The following CTNND2 variants were observed in gnomAD, a reference collection of about 807,000 sequenced individuals.
The protein encoded by CTNND2 is catenin delta-2.
CTNND2 carries 22 observed loss-of-function variants against 144.4 expected under a neutral mutation model. That is an observed-to-expected ratio of 0.15 (90% CI 0.11 to 0.22). CTNND2 has a LOEUF of 0.22. Among genes scored for constraint, CTNND2 ranks in the 10% least tolerant of loss-of-function variants. CTNND2 has a pLI of 1.00. For missense variants in CTNND2, 1,353 were observed against 1,618.8 expected (o/e 0.84, Z 2.82); for synonymous variants, 751 against 695.6 (o/e 1.08, Z -1.25).
At chr5:10,992,482 G>C in intron 19 of CTNND2, 69 bp downstream of exon 19, 1 of 1,607,312 alleles carries the variant, frequency 6.2e-7, no homozygotes, top group Non-Finnish European at 8.5e-7. Context: ...GTTGGCTCAC[G>C]GACTGGGAAG....
chr5:10,975,045 T>C (rs1001125809), intron 21 of CTNND2, among the ~76,000 whole-genome samples: 6 of 152,110 alleles, frequency 3.9e-5, no homozygotes, highest in Non-Finnish European at 4.4e-5. Context: ...CAAAAGTCCA[T>C]AGAGGATAAA....
At chr5:11,345,394 T>C (rs879796506) in intron 9 of CTNND2, among the ~76,000 whole-genome samples, 1 of 152,216 alleles carries the variant, frequency 6.6e-6, no homozygotes, top group Non-Finnish European at 1.5e-5. Context: ...CAGGTTTGAA[T>C]TGTGCTAAAG....
chr5:11,498,553 A>G (rs1419076276), intron 3 of CTNND2, among the ~76,000 whole-genome samples: 1 of 152,198 alleles, frequency 6.6e-6, no homozygotes, highest in East Asian at 1.9e-4. Flanking sequence ...CAAGCAAAAC[A>G]TGATGGCAAA....
chr5:11,662,177 A>ACATATATGTGTATATATATGTATATATG (rs1783267932), intron 2 of CTNND2, among the ~76,000 whole-genome samples: 4 of 131,706 alleles, frequency 3.0e-5, no homozygotes, highest in African/African-American at 1.2e-4. Context: ...GTGTATATAT[A>ACATATATGTGTATATATATGTATATATG]CATATATGTG....
At chr5:11,624,655 T>C (rs548094322) in intron 2 of CTNND2, among the ~76,000 whole-genome samples, 1 of 152,146 alleles carries the variant, frequency 6.6e-6, no homozygotes, top group East Asian at 1.9e-4. Context: ...TTATCAAGAG[T>C]ATCTTCTCTT....
intron 11 of CTNND2, among the ~76,000 whole-genome samples, chr5:11,169,918 G>C (rs1759733468): frequency 6.6e-6 from 1 of 152,100 alleles, no homozygotes; most frequent in Admixed American, 6.5e-5. Context: ...GAGCATCACT[G>C]AACTACATGT....
chr5:11,308,301 C>A lies in CTNND2; in HGVS notation c.1628+38071G>T, dbSNP rs533054238. Among the ~76,000 whole-genome samples the A allele has an allele frequency of 1.1e-3, 167 of 151,264 alleles. 1 individual carries two copies. Among genetic ancestry groups the A allele is most frequent in the African/African-American group, 3.7e-3 (154 of 41,068 alleles). ...AATGTATCACATAGTGATTTAGAAA[C>A]AAGGCCAGCAAACTTTCTCTGTAAA... On this transcript the variant is annotated intron_variant, in intron 9 of 21. Transcript: ENST00000304623.
At position 11,150,617 on chromosome 5, in the gene CTNND2, C is replaced by CTTT. The variant is rs10602477; in HGVS notation, c.2159+8956_2159+8958dup. ...GGTGAGGCCTCTGAACTGCTGCCTT[C>CTTT]TTTTTTTTTTTTTTTTTTTTTTTTT... On this transcript the variant is annotated intron_variant, in intron 12 of 21. Transcript: ENST00000304623. 3.3e-4 allele frequency among the ~76,000 whole-genome samples: 24 copies of CTTT among 72,068 alleles called. 2 individuals are homozygous for CTTT. Among genetic ancestry groups the CTTT allele is most frequent in the African/African-American group, 1.1e-3 (20 of 17,702 alleles). The allele number at this position is 72,068 out of a possible 152,430, so 47.3% of individuals were successfully genotyped here.
chr5:10,998,898 CATCT>C (rs1487291957), intron 18 of CTNND2, among the ~76,000 whole-genome samples: 1 of 152,190 alleles, frequency 6.6e-6, no homozygotes, highest in Non-Finnish European at 1.5e-5. Flanking sequence ...GGGACTTGAG[CATCT>C]ACAAATTCTG....
intron 1 of CTNND2, among the ~76,000 whole-genome samples, chr5:11,885,954 A>C (rs1736495072): frequency 6.6e-6 from 1 of 152,214 alleles, no homozygotes; most frequent in Non-Finnish European, 1.5e-5. Context: ...TTAAGAAGAA[A>C]ATTTTAAAAT....
intron 3 of CTNND2, among the ~76,000 whole-genome samples, chr5:11,459,918 A>G (rs1053969776): frequency 6.6e-6 from 1 of 152,216 alleles, no homozygotes; most frequent in African/African-American, 2.4e-5. Context: ...ATGTACTGAT[A>G]GTGTCTGATG....
intron 10 of CTNND2, among the ~76,000 whole-genome samples, chr5:11,228,384 G>C (rs1475422097): frequency 9.0e-6 from 1 of 110,542 alleles, no homozygotes; most frequent in Non-Finnish European, 1.9e-5. Flanking sequence ...AAAAAACAAA[G>C]AATGTGAATG....
intron 3 of CTNND2, among the ~76,000 whole-genome samples, chr5:11,438,497 G>C (rs1763971749): frequency 1.3e-5 from 2 of 152,172 alleles, no homozygotes; most frequent in Non-Finnish European, 2.9e-5. Flanking sequence ...TTAAAAATCT[G>C]TACCTAATTT....
intron 10 of CTNND2, among the ~76,000 whole-genome samples, chr5:11,204,316 G>A (rs962045648): frequency 4.5e-5 from 5 of 110,194 alleles, no homozygotes; most frequent in Non-Finnish European, 1.1e-4. Context: ...TTGCACCAGG[G>A]GAGAATAAAA....
chr5:11,010,257 C>T (rs545948896), intron 18 of CTNND2, among the ~76,000 whole-genome samples: 3 of 152,278 alleles, frequency 2.0e-5, no homozygotes, highest in African/African-American at 7.2e-5. Context: ...TAGTTTATTT[C>T]TATAGAGGAT....
intron 1 of CTNND2, among the ~76,000 whole-genome samples, chr5:11,797,204 T>C (rs1252650184): frequency 1.3e-5 from 2 of 152,182 alleles, no homozygotes; most frequent in Non-Finnish European, 2.9e-5. Flanking sequence ...TCTCCTCCAT[T>C]CACCACAATT....
At chr5:11,866,843 T>C (rs1395814338) in intron 1 of CTNND2, among the ~76,000 whole-genome samples, 1 of 152,194 alleles carries the variant, frequency 6.6e-6, no homozygotes, top group Non-Finnish European at 1.5e-5. Context: ...GGCATTCTCT[T>C]CTGTGTGGTC....
chr5:11,772,500 G>A (rs1324149699), intron 1 of CTNND2, among the ~76,000 whole-genome samples: 1 of 152,186 alleles, frequency 6.6e-6, no homozygotes, highest in Admixed American at 6.5e-5. Flanking sequence ...TGCATTTGTG[G>A]ATTTTACTAA....
intron 2 of CTNND2, among the ~76,000 whole-genome samples, chr5:11,623,626 G>A (rs960130827): frequency 2.6e-5 from 4 of 151,264 alleles, no homozygotes; most frequent in African/African-American, 9.7e-5. Context: ...AAAAGTAAAA[G>A]GATGCAGAAA....
Sources: allele counts gnomAD v4.1 joint callset (sites outside exome capture counted in the v4.1 genomes callset), GRCh38; gene constraint gnomAD v4.1.1; transcripts MANE v1.5; gene names NCBI Gene and HGNC (gene_info 2026-07-23, HGNC 2026-07-21).